Variants in RBM33 observed in about 807,000 individuals in gnomAD.
RBM33 encodes RNA binding motif protein 33.
RBM33 carries 28 observed loss-of-function variants against 132.6 expected under a neutral mutation model. The observed-to-expected ratio is 0.21, with a 90% CI of 0.16 to 0.29. The LOEUF is 0.29. Among genes scored for constraint, RBM33 ranks in the 10% least tolerant of loss-of-function variants. The pLI, the probability that RBM33 is intolerant of heterozygous loss-of-function variation, is 1.00. For synonymous variants in RBM33, 634 were observed against 593.0 expected (o/e 1.07, Z -1.01); for missense variants, 1,291 against 1,518.5 (o/e 0.85, Z 2.49).
At chr7:155,692,748 T>C (rs1015021264) in intron 5 of RBM33, among the ~76,000 whole-genome samples, 1 of 152,230 alleles carries the variant, frequency 6.6e-6, no homozygotes, top group Admixed American at 6.5e-5. Context: ...TCTTATACTC[T>C]TCACTGTTCT....
At chr7:155,730,826 T>C (rs967647371) in intron 9 of RBM33, among the ~76,000 whole-genome samples, 1 of 152,200 alleles carries the variant, frequency 6.6e-6, no homozygotes, top group South Asian at 2.1e-4. Context: ...AGACAGCATG[T>C]AAATAGTCAG....
chr7:155,715,273 G>A (rs1159694038), intron 8 of RBM33, among the ~76,000 whole-genome samples: 2 of 152,206 alleles, frequency 1.3e-5, no homozygotes, highest in East Asian at 3.8e-4. Context: ...TGGAACTGCT[G>A]TCAGTCTAAT....
chr7:155,757,316 C>T (rs1323792605), intron 14 of RBM33, among the ~76,000 whole-genome samples: 1 of 152,054 alleles, frequency 6.6e-6, no homozygotes, highest in Non-Finnish European at 1.5e-5. Context: ...GTAGAATTAG[C>T]TTTTCCTCAT....
intron 14 of RBM33, among the ~76,000 whole-genome samples, chr7:155,751,900 A>G (rs889582664): frequency 6.6e-6 from 1 of 152,248 alleles, no homozygotes; most frequent in African/African-American, 2.4e-5. Flanking sequence ...TTCTAATGCC[A>G]ACACTCCTGT....
intron 16 of RBM33, among the ~76,000 whole-genome samples, chr7:155,770,157 G>T (rs1802370666): frequency 6.6e-6 from 1 of 152,224 alleles, no homozygotes; most frequent in African/African-American, 2.4e-5. Context: ...AAATTCAGGG[G>T]AAGTGCCAGA....
Position 155,745,549 on chromosome 7 carries a change from G to A in RBM33, c.2926G>A (p.Gly976Arg). Residue 976 changes from glycine (G) to arginine (R), a missense_variant, in exon 14 of 18, where the codon GGA becomes AGA. This residue lies in a region of RBM33 where 841 missense variants were observed against 912.0 expected (regional missense o/e 0.92). Transcript: ENST00000401878. This position sits in a 1 kb window ranked among gnomAD's most constrained non-coding sequence, Gnocchi z 4.1. ...CACGCACAGGACAAACAGTGGTGGT[G>A]GAGACGGGCCCCACATCAGCTCCAA... ...TVTHRTNSGG[G>R]DGPHISSKVR... 6.2e-7 allele frequency: 1 copy of A among 1,610,416 alleles called. No individual in the cohort carries two copies. Among genetic ancestry groups the A allele is most frequent in the Non-Finnish European group, 8.5e-7 (1 of 1,178,240 alleles).
chr7:155,681,378 A>G (rs566100370), intron 5 of RBM33, among the ~76,000 whole-genome samples: 3 of 152,304 alleles, frequency 2.0e-5, no homozygotes, highest in African/African-American at 7.2e-5. Context: ...CTGAATAAAG[A>G]GATTGGAGGT....
At position 155,680,839 on chromosome 7, in the gene RBM33, A is replaced by C. The variant is rs371081592; in HGVS notation, c.498A>C (p.Pro166=). The part of the protein sequence containing the change: ...TEDQIEYVEE[P]EEEQLYTDEV... Reference sequence around the variant, plus strand: ...ACCAAATAGAATATGTGGAAGAGCCAGAGGAGGAGCAGCTTTACACTGATG... The same window carrying C: ...ACCAAATAGAATATGTGGAAGAGCCCGAGGAGGAGCAGCTTTACACTGATG... Residue 166 remains proline (P), a synonymous_variant, in exon 5 of 18, where the codon CCA becomes CCC. Transcript: ENST00000401878. The C allele has an allele frequency of 4.3e-6, 7 of 1,613,922 alleles. No individual in the cohort carries two copies. Among genetic ancestry groups the C allele is most frequent in the Non-Finnish European group, 5.9e-6 (7 of 1,179,844 alleles).
chr7:155,777,606 T>G lies in RBM33; in HGVS notation c.*2565T>G, dbSNP rs1175795213. ...TCTGCTGCAACCATTATCTTTGTTC[T>G]TGAGTTCATCATGCATTTAAAATGA... On this transcript the variant is annotated 3_prime_UTR_variant, in exon 18 of 18. Transcript: ENST00000401878. 6.6e-6 allele frequency: 1 copy of G among 152,638 alleles called. No homozygotes were observed. Among genetic ancestry groups the G allele is most frequent in the Non-Finnish European group, 1.5e-5 (1 of 68,028 alleles). The allele number at this position is 152,638 out of a possible 1,614,324, so 9.5% of individuals were successfully genotyped here. A position where few individuals can be genotyped will look rare whatever the true frequency, so the allele number is the denominator to read the frequency against.
intron 14 of RBM33, among the ~76,000 whole-genome samples, chr7:155,749,087 G>T (rs1443571600): frequency 6.6e-6 from 1 of 152,030 alleles, no homozygotes; most frequent in Non-Finnish European, 1.5e-5. Context: ...TTGAATAGTT[G>T]TCTGTTCTTT....
chr7:155,710,924 T>C (rs376121956), intron 7 of RBM33, among the ~76,000 whole-genome samples: 3 of 135,838 alleles, frequency 2.2e-5, no homozygotes, highest in Admixed American at 7.2e-5. Flanking sequence ...TTTTTTTTTT[T>C]CAAAATTCAC....
chr7:155,674,998 T>C (rs1438954517), intron 3 of RBM33, among the ~76,000 whole-genome samples: 1 of 152,202 alleles, frequency 6.6e-6, no homozygotes, highest in Non-Finnish European at 1.5e-5. Flanking sequence ...TCTTTTCCCA[T>C]GTGTTTTTAA....
intron 9 of RBM33, among the ~76,000 whole-genome samples, chr7:155,719,880 A>G (rs1478719287): frequency 1.3e-5 from 2 of 152,234 alleles, no homozygotes; most frequent in Non-Finnish European, 2.9e-5. Context: ...AATGTAATTT[A>G]TATTTTTGTA....
Position 155,774,957 on chromosome 7 carries a change from A to G in RBM33, c.3465-36A>G, listed in dbSNP as rs548252227. The G allele has an allele frequency of 6.2e-7, 1 of 1,603,442 alleles. No homozygotes were observed. Among genetic ancestry groups the G allele is most frequent in the Admixed American group, 1.7e-5 (1 of 59,974 alleles). ...CTTGGTAGGTTGATTGCCGATGTGC[A>G]GGGTTAGTGTCGATCGTTTCTTTAA... On this transcript the variant is annotated intron_variant, in intron 17 of 17. Transcript: ENST00000401878. The surrounding 1 kb of genome is among the most constrained non-coding windows in gnomAD (Gnocchi z 4.2).
At chr7:155,722,602 A>G (rs1053744456) in intron 9 of RBM33, among the ~76,000 whole-genome samples, 11 of 152,288 alleles carry the variant, frequency 7.2e-5, no homozygotes, top group Non-Finnish European at 1.5e-4. Context: ...TTTTCTAGTC[A>G]TGTATTTGTC....
intron 5 of RBM33, among the ~76,000 whole-genome samples, chr7:155,694,484 C>T (rs1394752498): frequency 6.6e-6 from 1 of 152,180 alleles, no homozygotes; most frequent in Non-Finnish European, 1.5e-5. Context: ...TAGAGATAAG[C>T]ATAGATGTAA....
At chr7:155,688,083 C>T (rs939724580) in intron 5 of RBM33, among the ~76,000 whole-genome samples, 52 of 152,078 alleles carry the variant, frequency 3.4e-4, no homozygotes, top group Non-Finnish European at 2.6e-4. Context: ...GCCATTTTCA[C>T]GATATTAATT....
At chr7:155,749,178 T>C (rs149916175) in intron 14 of RBM33, among the ~76,000 whole-genome samples, 1 of 152,354 alleles carries the variant, frequency 6.6e-6, no homozygotes, top group African/African-American at 2.4e-5. Context: ...CTGTGAGGCA[T>C]CAGTAAATGA....
At chr7:155,759,519 G>C (rs1035506008) in intron 14 of RBM33, among the ~76,000 whole-genome samples, 1 of 148,280 alleles carries the variant, frequency 6.7e-6, no homozygotes, top group Non-Finnish European at 1.5e-5. Flanking sequence ...CCGGGTTCAC[G>C]CCATTCTCCT....
Sources: gnomAD v4.1 joint callset for allele counts (sites outside exome capture counted in the v4.1 genomes callset) on GRCh38, gnomAD v4.1.1 for gene constraint, gnomAD v4.1.1 regional missense constraint, Gnocchi (gnomAD v3.1) non-coding constraint, MANE v1.5 for transcripts, NCBI Gene and HGNC (gene_info 2026-07-23, HGNC 2026-07-21) for gene names.